Variants in FNTB observed in about 807,000 individuals in gnomAD.
The protein encoded by FNTB is protein farnesyltransferase subunit beta.
Under a neutral mutation model 59.4 loss-of-function variants are expected in FNTB, and 27 were observed. That is an observed-to-expected ratio of 0.45 (90% CI 0.34 to 0.63). FNTB has a LOEUF of 0.63. Among genes scored for constraint, FNTB ranks in the 20% least tolerant of loss-of-function variants. The probability of loss-of-function intolerance (pLI) is 0.02; values close to 1 mark genes in which losing one functional copy is unlikely to be tolerated. For missense variants in FNTB, 449 were observed against 559.6 expected (o/e 0.80, Z 1.99); for synonymous variants, 230 against 220.7 (o/e 1.04, Z -0.37).
At chr14:65,005,161 G>C (rs2061561195) in intron 2 of FNTB, among the ~76,000 whole-genome samples, 1 of 152,180 alleles carries the variant, frequency 6.6e-6, no homozygotes, top group Admixed American at 6.5e-5. Context: ...TTGGAGCTTA[G>C]CAAGTTGAAG....
At position 65,002,379 on chromosome 14, in the gene FNTB, C is replaced by G. The variant is rs1381347528; in HGVS notation, c.145-1870C>G. The stretch of plus-strand genomic sequence containing the variant: ...ATCCCAGCACTTTGGGAGGCCGAGG[C>G]AGGTAGATCACCTGAGGTCAGGAGT... On this transcript the variant is annotated intron_variant, in intron 1 of 11. Transcript: ENST00000246166. Among the ~76,000 whole-genome samples the G allele has an allele frequency of 2.0e-5, 3 of 152,162 alleles. No homozygotes were observed. In the East Asian group the frequency reaches 5.8e-4, roughly 29 times the overall value.
chr14:65,044,640 T>G lies in FNTB; in HGVS notation c.955+197T>G. 1 of 810,200 alleles carries G rather than the reference T, an allele frequency of 1.2e-6. No homozygotes were observed. The highest frequency in any genetic ancestry group is 1.8e-6 in the Non-Finnish European group (1 of 563,220). 50.2% of individuals were successfully genotyped at this position (810,200 alleles called of 1,614,324 possible). Reference sequence around the variant, plus strand: ...TTTAGTTTCATTGGTTTAGTGTCATTCTTTGCTTCTTCAAATTGGCTGCGA... The same window carrying G: ...TTTAGTTTCATTGGTTTAGTGTCATGCTTTGCTTCTTCAAATTGGCTGCGA... On this transcript the variant is annotated intron_variant, in intron 9 of 11. Coordinates refer to ENST00000246166, the MANE Select transcript of FNTB (RefSeq NM_002028.4). The surrounding 1 kb of genome is among the most constrained non-coding windows in gnomAD (Gnocchi z 5.5).
rs183737336 is a variant in FNTB at position 65,010,247 on chromosome 14, C to T, written c.210-2070C>T. ...CTCCTGTTTCTCTCCTTCACTGGCT[C>T]CTCCAAACCCTTAGAGATGGGTCTT... On this transcript the variant is annotated intron_variant, in intron 2 of 11. Coordinates refer to ENST00000246166, the MANE Select transcript of FNTB (RefSeq NM_002028.4). Among the ~76,000 whole-genome samples, 190 of 152,356 alleles carry T rather than the reference C, an allele frequency of 1.2e-3. 1 individual carries two copies. Among genetic ancestry groups the T allele is most frequent in the African/African-American group, 4.6e-3 (190 of 41,588 alleles).
chr14:65,039,494 C>T (rs1008380073), intron 7 of FNTB, among the ~76,000 whole-genome samples: 5 of 152,212 alleles, frequency 3.3e-5, no homozygotes, highest in Admixed American at 2.0e-4. Context: ...AACCAACAAA[C>T]TTGGTTCAGA....
At chr14:65,055,722 G>T (rs1459230821) in intron 11 of FNTB, among the ~76,000 whole-genome samples, 3 of 151,956 alleles carry the variant, frequency 2.0e-5, no homozygotes, top group African/African-American at 4.8e-5. Flanking sequence ...TCCCCATGTT[G>T]GCCAGGCTGG....
rs1229434282 is a variant in FNTB at position 65,001,064 on chromosome 14, C to T, written c.145-3185C>T. Among the ~76,000 whole-genome samples the T allele has an allele frequency of 6.6e-6, 1 of 152,026 alleles. No homozygotes were observed. The highest frequency in any genetic ancestry group is 1.5e-5 in the Non-Finnish European group (1 of 68,006). The stretch of plus-strand genomic sequence containing the variant: ...TGGGTGTTGGGAGCATAAATGAAGT[C>T]CTATACTTGGTCTCTCTGGGCCTGA... On this transcript the variant is annotated intron_variant, in intron 1 of 11. Coordinates refer to ENST00000246166, the MANE Select transcript of FNTB (RefSeq NM_002028.4). The surrounding 1 kb of genome is among the most constrained non-coding windows in gnomAD (Gnocchi z 5.5).
At chr14:65,051,211 G>A (rs2062600857) in intron 9 of FNTB, among the ~76,000 whole-genome samples, 1 of 152,166 alleles carries the variant, frequency 6.6e-6, no homozygotes, top group South Asian at 2.1e-4. Flanking sequence ...GCCTCTAAAT[G>A]TCACCTGGCC....
rs2061609341 is a variant in FNTB at position 65,007,244 on chromosome 14, A to G, written c.209+2931A>G. On this transcript the variant is annotated intron_variant, in intron 2 of 11. Coordinates refer to ENST00000246166, the MANE Select transcript of FNTB (RefSeq NM_002028.4). The surrounding 1 kb of genome is among the most constrained non-coding windows in gnomAD (Gnocchi z 4.9). ...TTTAAATCATTATCACAGTCTCAAT[A>G]TTTAACATATTAATAGTCAAAATTT... Among the ~76,000 whole-genome samples the G allele has an allele frequency of 6.6e-6, 1 of 152,268 alleles. No individual in the cohort carries two copies. The highest frequency in any genetic ancestry group is 6.5e-5 in the Admixed American group (1 of 15,288).
intron 7 of FNTB, among the ~76,000 whole-genome samples, chr14:65,036,739 G>GT (rs2062202126): frequency 6.6e-6 from 1 of 152,044 alleles, no homozygotes; most frequent in East Asian, 1.9e-4. Context: ...TGTCACCCAG[G>GT]TTGGAGTGCA....
intron 7 of FNTB, among the ~76,000 whole-genome samples, chr14:65,033,725 C>T (rs934209377): frequency 6.6e-6 from 1 of 152,066 alleles, no homozygotes; most frequent in African/African-American, 2.4e-5. Flanking sequence ...GGCATGGTGG[C>T]GGGCGCCTGT....
Position 65,040,794 on chromosome 14 carries a change from C to G in FNTB, c.697C>G (p.Gln233Glu), listed in dbSNP as rs1422584694. 1 of 1,612,804 alleles carries G rather than the reference C, an allele frequency of 6.2e-7. No individual in the cohort carries two copies. Residue 233 changes from glutamine (Q) to glutamate (E), a missense_variant, in exon 8 of 12, where the codon CAG becomes GAG. Coordinates refer to ENST00000246166, the MANE Select transcript of FNTB (RefSeq NM_002028.4). Reference sequence around the variant, plus strand: ...CTTTTCTCAATCTCTTCTTAGGTGTCAGAACTGGGAAGGTGGCATTGGCGG... The same window carrying G: ...CTTTTCTCAATCTCTTCTTAGGTGTGAGAACTGGGAAGGTGGCATTGGCGG... The part of the protein sequence containing the change: ...EGTAEWIARC[Q>E]NWEGGIGGVP...
At chr14:65,041,602 T>A (rs1244627963) in intron 8 of FNTB, among the ~76,000 whole-genome samples, 1 of 152,144 alleles carries the variant, frequency 6.6e-6, no homozygotes, top group Non-Finnish European at 1.5e-5. Flanking sequence ...GACATGCACC[T>A]CCTCTCCCTG....
chr14:64,998,779 A>G (rs755684048), intron 1 of FNTB, among the ~76,000 whole-genome samples: 12 of 152,264 alleles, frequency 7.9e-5, no homozygotes, highest in Non-Finnish European at 1.2e-4. Flanking sequence ...CTATAGGTCT[A>G]TACTGAGAAT....
chr14:65,058,434 TC>T (rs1437899485), intron 11 of FNTB, among the ~76,000 whole-genome samples: 1 of 152,164 alleles, frequency 6.6e-6, no homozygotes, highest in African/African-American at 2.4e-5. Flanking sequence ...TTTAAGTTTG[TC>T]TAAGTTAGTT....
intron 4 of FNTB, among the ~76,000 whole-genome samples, chr14:65,026,052 GT>G (rs1459050888): frequency 6.6e-6 from 1 of 152,222 alleles, no homozygotes; most frequent in African/African-American, 2.4e-5. Flanking sequence ...TTATAAACTT[GT>G]GTCTTCTTGG....
At chr14:65,022,252 T>C in intron 4 of FNTB, 1 of 330,824 alleles carries the variant, frequency 3.0e-6, no homozygotes, top group Non-Finnish European at 6.0e-6. Flanking sequence ...TGGATGACTG[T>C]TCCTATTTCC....
At chr14:65,019,078 C>T (rs948530653) in intron 4 of FNTB, among the ~76,000 whole-genome samples, 1 of 152,206 alleles carries the variant, frequency 6.6e-6, no homozygotes, top group Non-Finnish European at 1.5e-5. Flanking sequence ...GAGGCTGAGG[C>T]AGGAGACTCG....
At chr14:64,996,386 T>A (rs1228474637) in intron 1 of FNTB, among the ~76,000 whole-genome samples, 1 of 152,156 alleles carries the variant, frequency 6.6e-6, no homozygotes, top group African/African-American at 2.4e-5. Context: ...TAAACTCAAC[T>A]CTTGGGTTCC....
intron 1 of FNTB, among the ~76,000 whole-genome samples, chr14:65,000,404 A>T (rs1227208432): frequency 6.6e-6 from 1 of 152,182 alleles, no homozygotes; most frequent in African/African-American, 2.4e-5. Context: ...AGGCAAAGTT[A>T]ATGTAAGTAG....
Sources: gnomAD v4.1 joint callset for allele counts (sites outside exome capture counted in the v4.1 genomes callset) on GRCh38, gnomAD v4.1.1 for gene constraint, Gnocchi (gnomAD v3.1) non-coding constraint, MANE v1.5 for transcripts, NCBI Gene and HGNC (gene_info 2026-07-23, HGNC 2026-07-21) for gene names.